RNF2: variants seen among roughly 807,000 people sequenced by gnomAD.
RNF2 encodes the protein ring finger protein 2.
In RNF2, 6 loss-of-function variants were observed where a neutral mutation model predicts 37.2. The ratio of observed to expected loss-of-function variants is 0.16; its 90% confidence interval spans 0.09 to 0.32. RNF2 has a LOEUF of 0.32. RNF2 is among the 10% of genes least tolerant of loss of function. The probability of loss-of-function intolerance (pLI) is 1.00; values close to 1 mark genes in which losing one functional copy is unlikely to be tolerated. For synonymous variants in RNF2, 133 were observed against 132.7 expected (o/e 1.00, Z -0.02); for missense variants, 251 against 404.0 (o/e 0.62, Z 3.25).
intron 1 of RNF2, among the ~76,000 whole-genome samples, chr1:185,075,126 C>T (rs906419120): frequency 1.3e-5 from 2 of 152,080 alleles, no homozygotes; most frequent in African/African-American, 2.4e-5. Flanking sequence ...TCCCTAGTAG[C>T]TGGATTACAG....
intron 1 of RNF2, among the ~76,000 whole-genome samples, chr1:185,060,941 A>G (rs956550158): frequency 1.4e-4 from 21 of 152,082 alleles, no homozygotes; most frequent in African/African-American, 5.1e-4. Context: ...CAACATAGCG[A>G]GATCCCATCT....
At chr1:185,085,225 T>C (rs1340499906) in intron 1 of RNF2, among the ~76,000 whole-genome samples, 1 of 142,020 alleles carries the variant, frequency 7.0e-6, no homozygotes, top group Non-Finnish European at 1.5e-5. Flanking sequence ...CTTAGCTCAC[T>C]GCAAGCTCCG....
intron 1 of RNF2, among the ~76,000 whole-genome samples, chr1:185,082,066 TC>T (rs1651428633): frequency 6.6e-6 from 1 of 152,284 alleles, no homozygotes; most frequent in East Asian, 1.9e-4. Flanking sequence ...ATCCAATGGT[TC>T]ATTGTTGTTG....
intron 2 of RNF2, among the ~76,000 whole-genome samples, chr1:185,091,192 C>A (rs867970745): frequency 6.6e-6 from 1 of 152,118 alleles, no homozygotes; most frequent in African/African-American, 2.4e-5. Context: ...CTAACTTTCT[C>A]ATTTTGCAGG....
At position 185,056,834 on chromosome 1, in the gene RNF2, AT is replaced by A. The variant is rs1380552423; in HGVS notation, c.-3+11190del. On this transcript the variant is annotated intron_variant, in intron 1 of 6. Coordinates refer to ENST00000367510, the MANE Select transcript of RNF2 (RefSeq NM_007212.4). ...ATAGTATTCAGTTGTTGCTTTATTC[AT>A]TTTTAAAATTTATTTTTTAAATTTA... Among the ~76,000 whole-genome samples, 16 of 152,284 alleles carry A rather than the reference AT, an allele frequency of 1.1e-4. No individual in the cohort carries two copies. In the East Asian group the frequency reaches 2.7e-3, roughly 26 times the overall value.
intron 1 of RNF2, among the ~76,000 whole-genome samples, chr1:185,060,594 A>C (rs189189736): frequency 2.5e-4 from 38 of 152,270 alleles, no homozygotes; most frequent in African/African-American, 8.9e-4. Flanking sequence ...TGTAGAGTTG[A>C]TATGTGTTCA....
chr1:185,053,584 C>T (rs1279494080), intron 1 of RNF2, among the ~76,000 whole-genome samples: 1 of 152,064 alleles, frequency 6.6e-6, no homozygotes, highest in Admixed American at 6.6e-5. Flanking sequence ...GACTCCTGGT[C>T]TCAAGCAGTC....
In RNF2 at chr1:185,101,594, G is replaced by A. The variant is rs1188891038; in HGVS notation, c.*1293G>A. The A allele has an allele frequency of 1.3e-5, 2 of 152,380 alleles. No individual in the cohort carries two copies. Among genetic ancestry groups the A allele is most frequent in the Non-Finnish European group, 2.9e-5 (2 of 67,976 alleles). The allele number at this position is 152,380 out of a possible 1,614,324, so 9.4% of individuals were successfully genotyped here. A position where few individuals can be genotyped will look rare whatever the true frequency, so the allele number is the denominator to read the frequency against. On this transcript the variant is annotated 3_prime_UTR_variant, in exon 7 of 7. Transcript: ENST00000367510. Reference sequence around the variant, plus strand: ...TATATTTCCAACTTTATATATCACAGTATTTAAAAAGACATGTTTGCATTG... The same window carrying A: ...TATATTTCCAACTTTATATATCACAATATTTAAAAAGACATGTTTGCATTG...
intron 2 of RNF2, among the ~76,000 whole-genome samples, chr1:185,088,368 C>T (rs563973151): frequency 2.0e-5 from 3 of 152,046 alleles, no homozygotes; most frequent in Middle Eastern, 6.8e-3. Flanking sequence ...GGAAGCCTTA[C>T]CAACATGGAG....
At chr1:185,086,384 T>C (rs930120494) in intron 1 of RNF2, among the ~76,000 whole-genome samples, 2 of 152,094 alleles carry the variant, frequency 1.3e-5, no homozygotes. Context: ...CAACCCTCTT[T>C]CCCATATTTA....
chr1:185,047,359 C>G (rs906742452), intron 1 of RNF2, among the ~76,000 whole-genome samples: 1 of 152,176 alleles, frequency 6.6e-6, no homozygotes. Flanking sequence ...TTTCAAAATA[C>G]TGGGAATTTG....
At chr1:185,075,760 T>C (rs1362710461) in intron 1 of RNF2, among the ~76,000 whole-genome samples, 1 of 152,214 alleles carries the variant, frequency 6.6e-6, no homozygotes, top group African/African-American at 2.4e-5. Context: ...TCCACTCCCA[T>C]GATCCAGTCA....
chr1:185,078,178 C>T (rs1651232872), intron 1 of RNF2, among the ~76,000 whole-genome samples: 1 of 152,162 alleles, frequency 6.6e-6, no homozygotes, highest in South Asian at 2.1e-4. Flanking sequence ...ACCTGGGAGG[C>T]AGAGGTTGCA....
intron 1 of RNF2, among the ~76,000 whole-genome samples, chr1:185,079,855 G>A (rs949670548): frequency 7.9e-5 from 12 of 152,116 alleles, no homozygotes; most frequent in South Asian, 2.1e-4. Flanking sequence ...GCTTGAACCC[G>A]GGAGGTGGAG....
At chr1:185,071,528 C>CT (rs1479747817) in intron 1 of RNF2, 1 of 152,336 alleles carries the variant, frequency 6.6e-6, no homozygotes, top group Non-Finnish European at 1.5e-5. Flanking sequence ...TGGCATCGTG[C>CT]GTTTAGAGTC....
chr1:185,091,684 A>G lies in RNF2; in HGVS notation c.193A>G (p.Lys65Glu). The change falls in exon 3 of 7, where the codon AAG becomes GAG. Residue 65 changes from lysine (K) to glutamate (E), a missense_variant. By Grantham distance (56) the Lys-to-Glu change is moderately conservative (BLOSUM62 1). This residue lies in a region of RNF2 where 43 missense variants were observed against 82.7 expected (regional missense o/e 0.52). Transcript: ENST00000367510. ...TATGTTGAAGAACACCATGACTACA[A>G]AGGAGTGTTTACATCGTTTTTGTGC... The part of the protein sequence containing the change: ...LDMLKNTMTT[K>E]ECLHRFCADC... 6.2e-7 allele frequency: 1 copy of G among 1,614,216 alleles called. No individual in the cohort carries two copies. The highest frequency in any genetic ancestry group is 8.5e-7 in the Non-Finnish European group (1 of 1,180,024).
rs141158995 is a variant in RNF2, at chr1:185,067,955, C to T, written c.-2-19597C>T. Among the ~76,000 whole-genome samples, 9 of 151,258 alleles carry T rather than the reference C, an allele frequency of 6.0e-5. No homozygotes were observed. The East Asian group carries it at 7.8e-4, about 13-fold the overall frequency. ...TGAGCTCTTGACCTCATGATTCACC[C>T]GCCTTGGCCTTCCAAAGTGCTGGGA... On this transcript the variant is annotated intron_variant, in intron 1 of 6. Transcript: ENST00000367510.
In RNF2 at chr1:185,097,924, A is replaced by G. The variant is rs183103508; in HGVS notation, c.465-148A>G. 3 of 776,612 alleles carry G rather than the reference A, an allele frequency of 3.9e-6. No homozygotes were observed. In the Admixed American group the frequency reaches 8.6e-5, roughly 22 times the overall value. 48.1% of individuals were successfully genotyped at this position (776,612 alleles called of 1,614,324 possible). A position where few individuals can be genotyped will look rare whatever the true frequency, so the allele number is the denominator to read the frequency against. ...GAGATTTTTTAGACCTTTCAGGAAC[A>G]TGTGGGAAACAATATCATCCAACTC... On this transcript the variant is annotated intron_variant, in intron 4 of 6. Coordinates refer to ENST00000367510, the MANE Select transcript of RNF2 (RefSeq NM_007212.4).
At chr1:185,064,727 T>C (rs887260128) in intron 1 of RNF2, among the ~76,000 whole-genome samples, 1 of 152,260 alleles carries the variant, frequency 6.6e-6, no homozygotes, top group Admixed American at 6.5e-5. Context: ...GGGATGTCTT[T>C]CCATTTATTT....
Sources: allele counts gnomAD v4.1 joint callset (sites outside exome capture counted in the v4.1 genomes callset), GRCh38; gene constraint gnomAD v4.1.1; regional missense constraint gnomAD v4.1.1; transcripts MANE v1.5; gene names NCBI Gene and HGNC (gene_info 2026-07-23, HGNC 2026-07-21).